The following RARB variants were observed in gnomAD, a reference collection of about 807,000 sequenced individuals.
RARB encodes the protein retinoic acid receptor beta, also known as HBV-activated protein.
A neutral mutation model predicts 51.9 loss-of-function variants in RARB; 17 were observed. The ratio of observed to expected loss-of-function variants is 0.33; its 90% CI spans 0.22 to 0.49. RARB has a LOEUF of 0.49. Ranked by LOEUF, RARB falls within the 20% of genes least tolerant of loss-of-function variation. The pLI is 0.99. For missense variants in RARB, 369 were observed against 550.8 expected, an observed-to-expected ratio of 0.67 and a Z score of 3.30; for synonymous variants, 215 against 195.4, an observed-to-expected ratio of 1.10 and a Z score of -0.84.
At chr3:25,006,052 G>C (rs929451821) in intron 2 of RARB, among the ~76,000 whole-genome samples, 6 of 152,048 alleles carry the variant, frequency 3.9e-5, no homozygotes, top group Admixed American at 2.6e-4. Flanking sequence ...TGACTGAACT[G>C]TCCTTCACCA....
At chr3:25,141,610 A>G (rs1700107583) in intron 4 of RARB, among the ~76,000 whole-genome samples, 1 of 152,208 alleles carries the variant, frequency 6.6e-6, no homozygotes, top group South Asian at 2.1e-4. Context: ...ATCCTGTGAT[A>G]TTAACTCCTT....
chr3:25,540,923 T>C (rs981383465), intron 3 of RARB, among the ~76,000 whole-genome samples: 1 of 151,878 alleles, frequency 6.6e-6, no homozygotes, highest in African/African-American at 2.4e-5. Context: ...TCTTAACTCC[T>C]TGCATTCTGG....
chr3:25,376,277 G>A (rs1320312070), intron 5 of RARB, among the ~76,000 whole-genome samples: 1 of 152,096 alleles, frequency 6.6e-6, no homozygotes, highest in African/African-American at 2.4e-5. Context: ...CCCCAGAAAA[G>A]TGCCTAGTGC....
chr3:25,240,792 C>T (rs932750449), intron 5 of RARB, among the ~76,000 whole-genome samples: 2 of 152,090 alleles, frequency 1.3e-5, no homozygotes, highest in East Asian at 1.9e-4. Flanking sequence ...CTGTAGTTTT[C>T]TTTTTTGTTG....
At chr3:25,327,446 T>C (rs1227168629) in intron 5 of RARB, among the ~76,000 whole-genome samples, 1 of 152,056 alleles carries the variant, frequency 6.6e-6, no homozygotes, top group East Asian at 1.9e-4. Flanking sequence ...ATAGCTACAT[T>C]AGAAGAGAGA....
intron 3 of RARB, among the ~76,000 whole-genome samples, chr3:25,514,059 C>T (rs1346759988): frequency 6.6e-6 from 1 of 152,176 alleles, no homozygotes; most frequent in Admixed American, 6.5e-5. Flanking sequence ...ACAAATGTCT[C>T]CCTAAAAATA....
intron 2 of RARB, among the ~76,000 whole-genome samples, chr3:25,054,047 G>GT (rs1698390923): frequency 6.6e-6 from 1 of 152,126 alleles, no homozygotes; most frequent in African/African-American, 2.4e-5. Context: ...TGGGGGTTGA[G>GT]TGGGGAGTCC....
At chr3:24,918,397 G>A (rs1435387216) in intron 2 of RARB, among the ~76,000 whole-genome samples, 2 of 152,180 alleles carry the variant, frequency 1.3e-5, no homozygotes, top group African/African-American at 4.8e-5. Context: ...GAGTTGCCTG[G>A]GAGAGAACAG....
At chr3:25,321,714 C>G (rs1704575099) in intron 5 of RARB, among the ~76,000 whole-genome samples, 1 of 151,330 alleles carries the variant, frequency 6.6e-6, no homozygotes, top group African/African-American at 2.4e-5. Flanking sequence ...GAGACTCCAT[C>G]TCAAAAAATA....
At chr3:25,561,594 A>G (rs1187334259) in intron 3 of RARB, among the ~76,000 whole-genome samples, 1 of 151,920 alleles carries the variant, frequency 6.6e-6, no homozygotes, top group Non-Finnish European at 1.5e-5. Context: ...GGCTGGAACA[A>G]CTGGGCTGTC....
chr3:25,214,934 G>T (rs1224637054), intron 5 of RARB, among the ~76,000 whole-genome samples: 3 of 152,122 alleles, frequency 2.0e-5, no homozygotes, highest in African/African-American at 7.2e-5. Context: ...ATTTTTGAGG[G>T]TGCATGTGAA....
intron 3 of RARB, among the ~76,000 whole-genome samples, chr3:25,092,274 T>C (rs1699212200): frequency 6.6e-6 from 1 of 152,206 alleles, no homozygotes; most frequent in African/African-American, 2.4e-5. Flanking sequence ...TTGAGCTCTT[T>C]TGAGAACAGA....
At chr3:25,094,831 C>A (rs1034062627) in intron 3 of RARB, among the ~76,000 whole-genome samples, 8 of 151,228 alleles carry the variant, frequency 5.3e-5, no homozygotes, top group Non-Finnish European at 1.2e-4. Flanking sequence ...TGTGCCAAAG[C>A]TCTGGCCTTT....
intron 5 of RARB, among the ~76,000 whole-genome samples, chr3:25,211,655 CT>C (rs1190781825): frequency 6.6e-6 from 1 of 152,066 alleles, no homozygotes; most frequent in Non-Finnish European, 1.5e-5. Context: ...GATTGACAAA[CT>C]TTTTTTTATT....
chr3:25,549,620 G>A (rs1340936025), intron 3 of RARB, among the ~76,000 whole-genome samples: 1 of 152,000 alleles, frequency 6.6e-6, no homozygotes, highest in Non-Finnish European at 1.5e-5. Flanking sequence ...AAACATTAGT[G>A]CTTTTTATTC....
intron 4 of RARB, among the ~76,000 whole-genome samples, chr3:25,163,504 A>AAAAAAAAAAATATATAT (rs1303712411): frequency 7.6e-6 from 1 of 131,096 alleles, no homozygotes; most frequent in African/African-American, 3.2e-5. Context: ...CCTATCTCAA[A>AAAAAAAAAAATATATAT]ATATATATAT....
At chr3:25,314,695 A>G (rs928982712) in intron 5 of RARB, among the ~76,000 whole-genome samples, 2 of 152,232 alleles carry the variant, frequency 1.3e-5, no homozygotes, top group African/African-American at 2.4e-5. Flanking sequence ...TTTTTAAAAT[A>G]CTTTCAACTT....
chr3:25,307,315 A>T (rs1372656417), intron 5 of RARB, among the ~76,000 whole-genome samples: 1 of 151,800 alleles, frequency 6.6e-6, no homozygotes, highest in Non-Finnish European at 1.5e-5. Context: ...TGAACCTAGG[A>T]GGCGGAGGTT....
chr3:25,002,906 G>T (rs1203589342), intron 2 of RARB, among the ~76,000 whole-genome samples: 2 of 151,936 alleles, frequency 1.3e-5, no homozygotes, highest in Non-Finnish European at 2.9e-5. Flanking sequence ...AAAAGCATCT[G>T]GTTCCTGGCC....
Sources: gnomAD v4.1 joint callset for allele counts (sites outside exome capture counted in the v4.1 genomes callset) on GRCh38, gnomAD v4.1.1 for gene constraint, MANE v1.5 for transcripts, NCBI Gene and HGNC (gene_info 2026-07-23, HGNC 2026-07-21) for gene names.